Variants in SLC30A7 observed in about 807,000 individuals in gnomAD.
SLC30A7 encodes the protein zinc transporter 7.
SLC30A7 carries 35 observed loss-of-function variants against 46.0 expected under a neutral mutation model. The ratio of observed to expected loss-of-function variants is 0.76; its 90% CI spans 0.58 to 1.01. SLC30A7 has a LOEUF of 1.01. Ranked by LOEUF, SLC30A7 falls within the 50% of genes least tolerant of loss-of-function variation. The pLI, the probability that SLC30A7 is intolerant of heterozygous loss-of-function variation, is 0.00. For missense variants in SLC30A7, 464 were observed against 451.1 expected (o/e 1.03, Z -0.26); for synonymous variants, 147 against 157.8 (o/e 0.93, Z 0.51).
chr1:100,923,327 T>C (rs1653078341), intron 8 of SLC30A7, among the ~76,000 whole-genome samples: 1 of 152,066 alleles, frequency 6.6e-6, no homozygotes, highest in Non-Finnish European at 1.5e-5. Flanking sequence ...AGAATAGATT[T>C]AATAAAGTAT....
At chr1:100,990,423 G>C in the SLC30A7 span, 2 of 1,613,596 alleles carry the variant, frequency 1.2e-6, no homozygotes, top group Non-Finnish European at 1.7e-6. Context: ...GTCCATTGAT[G>C]CTTTGAGATT....
At chr1:100,913,068 A>C (rs1652227233) in intron 5 of SLC30A7, among the ~76,000 whole-genome samples, 1 of 152,122 alleles carries the variant, frequency 6.6e-6, no homozygotes, top group Non-Finnish European at 1.5e-5. Context: ...AGCCTGTATA[A>C]GATGTTGCTC....
At chr1:100,921,967 T>G in intron 8 of SLC30A7, 126 bp downstream of exon 8, 1 of 946,346 alleles carries the variant, frequency 1.1e-6, no homozygotes, top group Non-Finnish European at 1.5e-6. Flanking sequence ...TTTTTTTTTT[T>G]TTTTGAGACA....
chr1:100,940,449 A>AAAG (rs1259348865), intron 8 of SLC30A7, among the ~76,000 whole-genome samples: 2 of 152,224 alleles, frequency 1.3e-5, no homozygotes, highest in Non-Finnish European at 2.9e-5. Flanking sequence ...TGGCATAAGA[A>AAAG]GAAAGCATCA....
At chr1:100,935,187 G>A (rs1186881107) in intron 8 of SLC30A7, among the ~76,000 whole-genome samples, 1 of 152,166 alleles carries the variant, frequency 6.6e-6, no homozygotes, top group Non-Finnish European at 1.5e-5. Context: ...AACCCAATCA[G>A]TCAAATCATA....
chr1:100,906,725 G>A, intron 2 of SLC30A7, 127 bp from the exon 3 acceptor site: 1 of 637,484 alleles, frequency 1.6e-6, no homozygotes, highest in South Asian at 1.8e-5. Flanking sequence ...TATCTATATA[G>A]CATATTTAAA....
At chr1:100,937,330 T>A (rs563487895) in intron 8 of SLC30A7, among the ~76,000 whole-genome samples, 7 of 152,320 alleles carry the variant, frequency 4.6e-5, no homozygotes, top group African/African-American at 1.7e-4. Flanking sequence ...ATTCTGTTTT[T>A]AATTTTTTGA....
the SLC30A7 span, among the ~76,000 whole-genome samples, chr1:100,993,559 A>AATAAATATATATATAT: frequency 1.8e-5 from 1 of 56,546 alleles, no homozygotes; most frequent in African/African-American, 6.3e-5. Flanking sequence ...CGAAAATATA[A>AATAAATATATATATAT]ATATATATAT....
intron 9 of SLC30A7, among the ~76,000 whole-genome samples, chr1:100,963,523 T>G (rs1655669254): frequency 6.6e-6 from 1 of 152,134 alleles, no homozygotes; most frequent in East Asian, 1.9e-4. Context: ...AAGTGACAAC[T>G]CCTTTAAGAA....
At chr1:100,902,693 G>A (rs1391805863) in intron 2 of SLC30A7, among the ~76,000 whole-genome samples, 1 of 152,204 alleles carries the variant, frequency 6.6e-6, no homozygotes. Context: ...TCTTTGGCTT[G>A]TAGGAGCATC....
chr1:100,896,699 G>A (rs761455172), intron 2 of SLC30A7, 28 bp downstream of exon 2: 19 of 1,591,746 alleles, frequency 1.2e-5, no homozygotes, highest in Admixed American at 1.7e-5. Context: ...TGGTTTGGGC[G>A]GAAGCTGGGT....
chr1:100,942,510 G>T (rs1654408535), intron 8 of SLC30A7, among the ~76,000 whole-genome samples: 1 of 152,134 alleles, frequency 6.6e-6, no homozygotes, highest in Admixed American at 6.5e-5. Flanking sequence ...GAAATGTGTG[G>T]GGTTTTTTCC....
Position 100,979,601 on chromosome 1 carries a change from G to A in SLC30A7, c.*4744G>A, listed in dbSNP as rs1031303412. ...ACTTTTATTAAGTATTTATGTGCCA[G>A]GCGGTTAGTGTGGCCTTCATGTTAT... On this transcript the variant is annotated 3_prime_UTR_variant, in exon 11 of 11. Transcript: ENST00000357650. 1.3e-5 allele frequency: 2 copies of A among 152,096 alleles called. No homozygotes were observed. The highest frequency in any genetic ancestry group is 4.8e-5 in the African/African-American group (2 of 41,432). The allele number at this position is 152,096 out of a possible 1,614,324, so 9.4% of individuals were successfully genotyped here. A position where few individuals can be genotyped will look rare whatever the true frequency, so the allele number is the denominator to read the frequency against.
In SLC30A7 at chr1:100,908,707, AT is replaced by A. The variant is rs142655093; in HGVS notation, c.296+1746del. Among the ~76,000 whole-genome samples, 352 of 152,252 alleles carry A rather than the reference AT, an allele frequency of 2.3e-3. 9 individuals carry two copies. In the East Asian group the frequency reaches 0.059, roughly 25 times the overall value. On this transcript the variant is annotated intron_variant, in intron 3 of 10. Coordinates refer to ENST00000357650, the MANE Select transcript of SLC30A7 (RefSeq NM_133496.5). Reference sequence around the variant, plus strand: ...TAGCTACTAAAAGATTCTTAAGTATATTTTAGATTATTAAAGAAAGATTATA... The same window carrying A: ...TAGCTACTAAAAGATTCTTAAGTATATTTAGATTATTAAAGAAAGATTATA...
intron 8 of SLC30A7, among the ~76,000 whole-genome samples, chr1:100,922,286 T>C (rs943325187): frequency 6.6e-6 from 1 of 152,194 alleles, no homozygotes; most frequent in African/African-American, 2.4e-5. Context: ...TTCATTTTTA[T>C]ATGTTTTCTG....
chr1:100,945,867 T>A (rs919070102), intron 8 of SLC30A7, among the ~76,000 whole-genome samples: 4 of 152,194 alleles, frequency 2.6e-5, no homozygotes, highest in African/African-American at 9.7e-5. Context: ...AATCTATAAA[T>A]TACCTTGGGC....
At chr1:100,929,345 T>C (rs990391940) in intron 8 of SLC30A7, among the ~76,000 whole-genome samples, 1 of 152,116 alleles carries the variant, frequency 6.6e-6, no homozygotes, top group African/African-American at 2.4e-5. Context: ...TTCAGCATTT[T>C]TTTCATTTAA....
chr1:100,906,917 C>G lies in SLC30A7; in HGVS notation c.248C>G (p.Ala83Gly). 2 of 1,613,346 alleles carry G rather than the reference C, an allele frequency of 1.2e-6. No individual in the cohort carries two copies. Among genetic ancestry groups the G allele is most frequent in the Middle Eastern group, 1.7e-4 (1 of 6,058 alleles). ...FDSTAILAGL[A>G]ASVISKWRDN... ...AGCACTGCCATTTTGGCTGGACTGG[C>G]AGCTTCTGTTATTTCAAAATGGAGA... Residue 83 changes from alanine (A) to glycine (G), a missense_variant, in exon 3 of 11, where the codon GCA becomes GGA. Transcript: ENST00000357650.
rs545951999 is a variant in SLC30A7, at chr1:100,908,114, C to T, written c.296+1149C>T. Among the ~76,000 whole-genome samples, 178 of 151,918 alleles carry T rather than the reference C, an allele frequency of 1.2e-3. 1 individual carries two copies. The highest frequency in any genetic ancestry group is 4.1e-3 in the African/African-American group (171 of 41,436). On this transcript the variant is annotated intron_variant, in intron 3 of 10. Coordinates refer to ENST00000357650, the MANE Select transcript of SLC30A7 (RefSeq NM_133496.5). ...TCTCCTTCCCTGAGCTCTCCCTTTCCGGTGCAGTTTCTCTCACTCTCTCCC... is the reference window on the plus strand; with the variant it reads ...TCTCCTTCCCTGAGCTCTCCCTTTCTGGTGCAGTTTCTCTCACTCTCTCCC...
Sources: allele counts gnomAD v4.1 joint callset (sites outside exome capture counted in the v4.1 genomes callset), GRCh38; gene constraint gnomAD v4.1.1; transcripts MANE v1.5; gene names NCBI Gene and HGNC (gene_info 2026-07-23, HGNC 2026-07-21).